DLAT: variants seen among roughly 807,000 people sequenced by gnomAD.
DLAT encodes dihydrolipoamide S-acetyltransferase.
In DLAT, 43 loss-of-function variants were observed where a neutral mutation model predicts 68.0. The ratio of observed to expected loss-of-function variants is 0.63; its 90% CI spans 0.50 to 0.81. The LOEUF (loss-of-function observed/expected upper bound fraction) is 0.81, where lower values mean the gene tolerates loss of function less well. DLAT is among the 40% of genes least tolerant of loss of function. The probability of loss-of-function intolerance (pLI) is 0.00; values close to 1 mark genes in which losing one functional copy is unlikely to be tolerated. For synonymous variants in DLAT, 265 were observed against 288.6 expected, an observed-to-expected ratio of 0.92 and a Z score of 0.83; for missense variants, 745 against 815.4, an observed-to-expected ratio of 0.91 and a Z score of 1.05.
intron 4 of DLAT, among the ~76,000 whole-genome samples, chr11:112,030,697 G>T (rs1862344911): frequency 6.6e-6 from 1 of 152,166 alleles, no homozygotes; most frequent in South Asian, 2.1e-4. Context: ...AGGTATTAGG[G>T]TTATCGTCTG....
At chr11:112,060,955 T>C in intron 12 of DLAT, 83 bp from the exon 13 acceptor site, 1 of 1,278,342 alleles carries the variant, frequency 7.8e-7, no homozygotes, top group Non-Finnish European at 1.1e-6. Flanking sequence ...CTTTTTAGCT[T>C]AAGGTCTTTT....
chr11:112,060,187 G>A (rs1458634385), intron 12 of DLAT, 122 bp downstream of exon 12: 39 of 799,974 alleles, frequency 4.9e-5, no homozygotes, highest in Non-Finnish European at 6.3e-5. Flanking sequence ...TTTTTGAGAC[G>A]GAGTCTCTCT....
chr11:112,048,835 A>G (rs1863464417), intron 10 of DLAT, among the ~76,000 whole-genome samples: 1 of 151,996 alleles, frequency 6.6e-6, no homozygotes, highest in Admixed American at 6.6e-5. Flanking sequence ...TGCCTGGCCT[A>G]TTTCCAGGTT....
At chr11:112,044,630 A>G (rs1370200328) in intron 8 of DLAT, among the ~76,000 whole-genome samples, 1 of 152,210 alleles carries the variant, frequency 6.6e-6, no homozygotes, top group African/African-American at 2.4e-5. Flanking sequence ...ATACAAAGAA[A>G]AATGACACTT....
At chr11:112,040,184 C>G (rs1052266593) in intron 7 of DLAT, among the ~76,000 whole-genome samples, 1 of 152,086 alleles carries the variant, frequency 6.6e-6, no homozygotes, top group African/African-American at 2.4e-5. Context: ...TTGAATTAAA[C>G]TTAAGCTAAA....
chr11:112,045,805 T>TAAA (rs1555181422), intron 9 of DLAT, 58 bp from the exon 10 acceptor site: 1 of 1,067,852 alleles, frequency 9.4e-7, no homozygotes, highest in Non-Finnish European at 1.4e-6. Flanking sequence ...AACAGAGCCC[T>TAAA]AAATTAGTTA....
chr11:112,061,201 G>A (rs200369358), intron 13 of DLAT, 27 bp downstream of exon 13: 13 of 1,613,384 alleles, frequency 8.1e-6, no homozygotes, highest in East Asian at 4.5e-5. Context: ...AGGGGAAGTC[G>A]TAAGCTAATT....
At chr11:112,029,010 T>C (rs1350598475) in intron 4 of DLAT, 65 bp downstream of exon 4, 2 of 1,572,950 alleles carry the variant, frequency 1.3e-6, no homozygotes, top group Non-Finnish European at 1.7e-6. Flanking sequence ...TTTTCATAGA[T>C]GGCTACTACA....
intron 5 of DLAT, among the ~76,000 whole-genome samples, chr11:112,036,183 G>A (rs1209744211): frequency 2.8e-5 from 2 of 70,590 alleles, no homozygotes; most frequent in Non-Finnish European, 5.5e-5. Context: ...GTGTGTGTGT[G>A]TGTGTGTGTG....
At position 112,037,459 on chromosome 11, in the gene DLAT, C is replaced by CG; in HGVS notation, c.975+1dup. The CG allele has an allele frequency of 6.2e-7, 1 of 1,613,812 alleles. No individual in the cohort carries two copies. The highest frequency in any genetic ancestry group is 8.5e-7 in the Non-Finnish European group (1 of 1,179,690). ...CAAGTGCCACCACCTACCCCACCCC[C>CG]GGTAGGTATGCTTCTAGAATTCAGG... On this transcript the variant is annotated frameshift_variant and splice_region_variant, in exon 6 of 14. Coordinates refer to ENST00000280346, the MANE Select transcript of DLAT (RefSeq NM_001931.5). LOFTEE classifies it high-confidence loss of function.
intron 4 of DLAT, chr11:112,032,718 A>G (rs1029556374): frequency 2.0e-5 from 3 of 152,414 alleles, no homozygotes; most frequent in African/African-American, 7.2e-5. Flanking sequence ...GTAAAATTTT[A>G]ACAGAATGGT....
chr11:112,036,161 G>GTA (rs1229200772), intron 5 of DLAT, among the ~76,000 whole-genome samples: 7 of 116,468 alleles, frequency 6.0e-5, no homozygotes, highest in Admixed American at 2.0e-4. Context: ...ATATGTGTGT[G>GTA]TATATATGTG....
chr11:112,049,981 A>G (rs1382834331), intron 10 of DLAT, among the ~76,000 whole-genome samples: 1 of 152,230 alleles, frequency 6.6e-6, no homozygotes, highest in East Asian at 1.9e-4. Flanking sequence ...CTTTGGGAGA[A>G]TAAGTCTTTG....
At chr11:112,048,748 G>A (rs1863458723) in intron 10 of DLAT, among the ~76,000 whole-genome samples, 6 of 151,948 alleles carry the variant, frequency 3.9e-5, no homozygotes, top group Admixed American at 3.9e-4. Context: ...TGGCCAGGCT[G>A]GTCTCGAACT....
At chr11:112,054,332 T>TA (rs1319654715) in intron 11 of DLAT, among the ~76,000 whole-genome samples, 2 of 151,106 alleles carry the variant, frequency 1.3e-5, no homozygotes. Context: ...ATAATAATAA[T>TA]AATAAATAAA....
At position 112,048,607 on chromosome 11, in the gene DLAT, T is replaced by C. The variant is rs1419628649; in HGVS notation, c.1399-2627T>C. ...GGGGTGCAGTGGCGTGATCTTGGCTTACTGCAACCTCCACCTTCCAGGTTC... is the reference window on the plus strand; with the variant it reads ...GGGGTGCAGTGGCGTGATCTTGGCTCACTGCAACCTCCACCTTCCAGGTTC... On this transcript the variant is annotated intron_variant, in intron 10 of 13. Coordinates refer to ENST00000280346, the MANE Select transcript of DLAT (RefSeq NM_001931.5). Among the ~76,000 whole-genome samples, 5 of 151,954 alleles carry C rather than the reference T, an allele frequency of 3.3e-5. No homozygotes were observed. In the South Asian group the frequency reaches 8.3e-4, roughly 25 times the overall value.
intron 12 of DLAT, among the ~76,000 whole-genome samples, 200 bp from the exon 13 acceptor site, chr11:112,060,838 T>C (rs1431666518): frequency 6.6e-6 from 1 of 152,170 alleles, no homozygotes; most frequent in Non-Finnish European, 1.5e-5. Flanking sequence ...AAAGAAGATA[T>C]TGTTTGAAAA....
intron 10 of DLAT, among the ~76,000 whole-genome samples, chr11:112,048,684 C>T (rs1173951400): frequency 6.6e-6 from 1 of 152,074 alleles, no homozygotes; most frequent in Non-Finnish European, 1.5e-5. Context: ...CAGGTATGAG[C>T]CACCAGGCAT....
intron 10 of DLAT, among the ~76,000 whole-genome samples, chr11:112,049,572 A>AT (rs60794678): frequency 1.5e-3 from 210 of 142,872 alleles, no homozygotes; most frequent in East Asian, 2.4e-3. Context: ...GGTATGATTG[A>AT]TTTTTTTTTT....
Sources: allele counts gnomAD v4.1 joint callset (sites outside exome capture counted in the v4.1 genomes callset), GRCh38; gene constraint gnomAD v4.1.1; transcripts MANE v1.5; gene names NCBI Gene and HGNC (gene_info 2026-07-23, HGNC 2026-07-21).